Variants in ROPN1L observed in about 807,000 individuals in gnomAD.
ROPN1L encodes the protein rhophilin associated tail protein 1 like, also known as ropporin-1-like protein.
Under a neutral mutation model 22.7 loss-of-function variants are expected in ROPN1L, and 23 were observed. That is an observed-to-expected ratio of 1.01 (90% CI 0.73 to 1.43). The LOEUF (loss-of-function observed/expected upper bound fraction) is 1.43, where lower values mean the gene tolerates loss of function less well. ROPN1L is among the 40% of genes most tolerant of loss of function. The probability of loss-of-function intolerance (pLI) is 0.00; values close to 1 mark genes in which losing one functional copy is unlikely to be tolerated. For missense variants in ROPN1L, 271 were observed against 291.5 expected (o/e 0.93, Z 0.51); for synonymous variants, 116 against 117.8 (o/e 0.98, Z 0.10).
downstream of ROPN1L, among the ~76,000 whole-genome samples, chr5:10,473,684 C>A (rs1251712477): frequency 6.6e-6 from 1 of 152,100 alleles, no homozygotes; most frequent in Non-Finnish European, 1.5e-5. Context: ...GGGACAGAGC[C>A]CTGAAGCAAG....
chr5:10,459,852 G>A (rs111452094), intron 3 of ROPN1L, among the ~76,000 whole-genome samples: 4,180 of 152,308 alleles, frequency 0.027, 212 homozygotes, highest in African/African-American at 0.096. Context: ...ATGAGCAGGC[G>A]TTAGGTGTCT....
chr5:10,445,337 AG>A (rs530136565), intron 1 of ROPN1L, among the ~76,000 whole-genome samples: 6 of 152,324 alleles, frequency 3.9e-5, no homozygotes, highest in Admixed American at 2.0e-4. Context: ...ATGTAATTGT[AG>A]GTTCAAATAT....
At position 10,442,281 on chromosome 5, in the gene ROPN1L, G is replaced by A; in HGVS notation, c.114G>A (p.Val38=). Residue 38 remains valine (V), a synonymous_variant, in exon 1 of 5, where the codon GTG becomes GTA. Coordinates refer to ENST00000274134, the MANE Select transcript of ROPN1L (RefSeq NM_031916.5). ...KAAIRTQPAD[V]LRWSAGYFSA... ...CCATCCGCACCCAGCCGGCCGACGTGCTGCGGTGGTCCGCGGGGTAAGCGC... is the reference window on the plus strand; with the variant it reads ...CCATCCGCACCCAGCCGGCCGACGTACTGCGGTGGTCCGCGGGGTAAGCGC... 6.2e-7 allele frequency: 1 copy of A among 1,613,486 alleles called. No individual in the cohort carries two copies. Among genetic ancestry groups the A allele is most frequent in the South Asian group, 1.1e-5 (1 of 91,086 alleles).
Position 10,461,468 on chromosome 5 carries a change from C to G in ROPN1L, c.593+109C>G. 3.4e-6 allele frequency: 3 copies of G among 893,836 alleles called. No individual in the cohort carries two copies. In the South Asian group the frequency reaches 4.7e-5, roughly 14 times the overall value. 55.4% of individuals were successfully genotyped at this position (893,836 alleles called of 1,614,324 possible). A position where few individuals can be genotyped will look rare whatever the true frequency, so the allele number is the denominator to read the frequency against. Reference sequence around the variant, plus strand: ...CAGTTTTTCCTTTGCTCTCTCACCACAACAATAATCAACACAGAAGACTGC... The same window carrying G: ...CAGTTTTTCCTTTGCTCTCTCACCAGAACAATAATCAACACAGAAGACTGC... On this transcript the variant is annotated intron_variant, in intron 4 of 4. Coordinates refer to ENST00000274134, the MANE Select transcript of ROPN1L (RefSeq NM_031916.5).
intron 1 of ROPN1L, among the ~76,000 whole-genome samples, chr5:10,446,086 T>A (rs1741056258): frequency 6.6e-6 from 1 of 152,230 alleles, no homozygotes; most frequent in Non-Finnish European, 1.5e-5. Context: ...CGGCTGTTCC[T>A]TATGACACCA....
chr5:10,453,378 A>G (rs527610155), intron 3 of ROPN1L, among the ~76,000 whole-genome samples: 1 of 152,084 alleles, frequency 6.6e-6, no homozygotes, highest in Non-Finnish European at 1.5e-5. Flanking sequence ...TGGTGTGGAC[A>G]GTTGTGTTGT....
At chr5:10,445,944 A>C (rs1052234267) in intron 1 of ROPN1L, among the ~76,000 whole-genome samples, 2 of 152,178 alleles carry the variant, frequency 1.3e-5, no homozygotes, top group Non-Finnish European at 2.9e-5. Context: ...ACAAACAAAC[A>C]AAAAAGATGA....
intron 1 of ROPN1L, among the ~76,000 whole-genome samples, chr5:10,447,602 C>T (rs1741111286): frequency 6.6e-6 from 1 of 152,236 alleles, no homozygotes; most frequent in African/African-American, 2.4e-5. Flanking sequence ...GACGGCCAGG[C>T]ACAGTGGCTC....
downstream of ROPN1L, among the ~76,000 whole-genome samples, chr5:10,473,928 G>T (rs372870364): frequency 8.4e-4 from 128 of 152,246 alleles, 4 homozygotes; most frequent in South Asian, 0.025. Flanking sequence ...GAGGCAGGTG[G>T]ATCTCCTGAG....
intron 4 of ROPN1L, among the ~76,000 whole-genome samples, chr5:10,464,202 C>T (rs567790574): frequency 6.6e-6 from 1 of 152,276 alleles, no homozygotes; most frequent in East Asian, 1.9e-4. Context: ...CCTCTTTTTC[C>T]TCCTTCCTCT....
intron 1 of ROPN1L, among the ~76,000 whole-genome samples, chr5:10,443,363 C>CT (rs1740945203): frequency 1.4e-5 from 1 of 71,880 alleles, no homozygotes; most frequent in Non-Finnish European, 7.1e-5. Flanking sequence ...TGGCTCACGC[C>CT]TGTAATCCCA....
chr5:10,472,521 G>T (rs191462675), downstream of ROPN1L, among the ~76,000 whole-genome samples: 53 of 152,308 alleles, frequency 3.5e-4, no homozygotes, highest in Admixed American at 5.9e-4. Flanking sequence ...TGATTAAAAA[G>T]CTTATTAGGA....
chr5:10,457,766 C>T (rs1445001532), intron 3 of ROPN1L, among the ~76,000 whole-genome samples: 1 of 152,142 alleles, frequency 6.6e-6, no homozygotes, highest in Non-Finnish European at 1.5e-5. Flanking sequence ...ACAGTCCAGG[C>T]CTGGCTTGCA....
intron 3 of ROPN1L, among the ~76,000 whole-genome samples, chr5:10,455,629 C>T (rs1741393043): frequency 6.6e-6 from 1 of 152,266 alleles, no homozygotes; most frequent in Admixed American, 6.5e-5. Flanking sequence ...CAGGATATCA[C>T]ACCCCAGCCA....
chr5:10,461,297 A>G lies in ROPN1L; in HGVS notation c.531A>G (p.Arg177=), dbSNP rs1735022087. Reference sequence around the variant, plus strand: ...CCTACGTTTACCGCTACTTGGCCAGATTAGACTCAGATGTGTCTCCCTTGG... The same window carrying G: ...CCTACGTTTACCGCTACTTGGCCAGGTTAGACTCAGATGTGTCTCCCTTGG... ...TFSYVYRYLA[R]LDSDVSPLET... The change falls in exon 4 of 5, where the codon AGA becomes AGG. Residue 177 remains arginine (R), a synonymous_variant. Transcript: ENST00000274134. The G allele has an allele frequency of 6.2e-7, 1 of 1,614,172 alleles. No homozygotes were observed. The highest frequency in any genetic ancestry group is 8.5e-7 in the Non-Finnish European group (1 of 1,180,032).
chr5:10,446,911 C>T (rs1741086758), intron 1 of ROPN1L, among the ~76,000 whole-genome samples: 1 of 152,208 alleles, frequency 6.6e-6, no homozygotes, highest in African/African-American at 2.4e-5. Flanking sequence ...TTTAGGTTCA[C>T]ATTTGTCTAA....
At chr5:10,453,407 G>A (rs1392246323) in intron 3 of ROPN1L, among the ~76,000 whole-genome samples, 1 of 152,180 alleles carries the variant, frequency 6.6e-6, no homozygotes, top group Non-Finnish European at 1.5e-5. Flanking sequence ...TTGGCCCTGG[G>A]TGGCTTGGAG....
chr5:10,453,978 C>T (rs565344002), intron 3 of ROPN1L, among the ~76,000 whole-genome samples: 1 of 152,320 alleles, frequency 6.6e-6, no homozygotes, highest in East Asian at 1.9e-4. Flanking sequence ...GCTATCAATT[C>T]AGGTTAAGGG....
At chr5:10,456,011 T>G (rs60822664) in intron 3 of ROPN1L, among the ~76,000 whole-genome samples, 4,891 of 152,208 alleles carry the variant, frequency 0.032, 260 homozygotes, top group African/African-American at 0.11. Context: ...TGGGGAGGTG[T>G]GAGGTGACTG....
Sources: allele counts gnomAD v4.1 joint callset (sites outside exome capture counted in the v4.1 genomes callset), GRCh38; gene constraint gnomAD v4.1.1; transcripts MANE v1.5; gene names NCBI Gene and HGNC (gene_info 2026-07-23, HGNC 2026-07-21).